The following ZC3H14 variants were observed in gnomAD, a reference collection of about 807,000 sequenced individuals.
ZC3H14 encodes the protein zinc finger CCCH domain-containing protein 14.
A neutral mutation model predicts 92.4 loss-of-function variants in ZC3H14; 31 were observed. That is an observed-to-expected ratio of 0.34 (90% CI 0.25 to 0.45). The LOEUF is 0.45. Ranked by LOEUF, ZC3H14 falls within the 20% of genes least tolerant of loss-of-function variation. The pLI is 1.00. For missense variants in ZC3H14, 781 were observed against 897.3 expected (o/e 0.87, Z 1.66); for synonymous variants, 321 against 300.9 (o/e 1.07, Z -0.69).
Position 88,622,787 on chromosome 14 carries a change from C to T in ZC3H14, c.*11036C>T. On this transcript the variant is annotated 3_prime_UTR_variant, in exon 17 of 17. Coordinates refer to ENST00000251038, the MANE Select transcript of ZC3H14 (RefSeq NM_024824.5). ...CTATAATTTTTATTATAAACAAATACCAAGTTATAAGCAGAATCTTTTTTT... is the reference window on the plus strand; with the variant it reads ...CTATAATTTTTATTATAAACAAATATCAAGTTATAAGCAGAATCTTTTTTT... The T allele has an allele frequency of 1.8e-6, 2 of 1,096,184 alleles. No homozygotes were observed. The highest frequency in any genetic ancestry group is 1.3e-6 in the Non-Finnish European group (1 of 794,628). The allele number at this position is 1,096,184 out of a possible 1,614,324, so 67.9% of individuals were successfully genotyped here. A position where few individuals can be genotyped will look rare whatever the true frequency, so the allele number is the denominator to read the frequency against.
At chr14:88,573,240 C>T (rs2080696251) in intron 6 of ZC3H14, among the ~76,000 whole-genome samples, 1 of 151,720 alleles carries the variant, frequency 6.6e-6, no homozygotes, top group East Asian at 2.0e-4. Context: ...ATTAGCCAGG[C>T]ATGGTGGCAG....
Position 88,616,233 on chromosome 14 carries a change from T to G in ZC3H14, c.*4482T>G. On this transcript the variant is annotated 3_prime_UTR_variant, in exon 17 of 17. Coordinates refer to ENST00000251038, the MANE Select transcript of ZC3H14 (RefSeq NM_024824.5). ...TGGGGCGAATGACCCAAGAACCTTT[T>G]GTGTTTTGCCTAAAAAACAATGACA... 6.2e-7 allele frequency: 1 copy of G among 1,613,872 alleles called. No homozygotes were observed. The highest frequency in any genetic ancestry group is 8.5e-7 in the Non-Finnish European group (1 of 1,179,752).
At position 88,627,392 on chromosome 14, in the gene ZC3H14, G is replaced by A. The variant is rs2140420550; in HGVS notation, c.*15641G>A. The A allele has an allele frequency of 2.1e-6, 1 of 482,096 alleles. No homozygotes were observed. The highest frequency in any genetic ancestry group is 3.5e-5 in the East Asian group (1 of 28,234). The allele number at this position is 482,096 out of a possible 1,614,324, so 29.9% of individuals were successfully genotyped here. A position where few individuals can be genotyped will look rare whatever the true frequency, so the allele number is the denominator to read the frequency against. On this transcript the variant is annotated 3_prime_UTR_variant, in exon 17 of 17. Transcript: ENST00000251038. ...ATTAATAATAAATACATAGTTTCTT[G>A]CTGGAAGAAAATAGCAGTGAATCAT...
chr14:88,601,283 C>T lies in ZC3H14; in HGVS notation c.1355-641C>T, dbSNP rs187709122. ...TGTATTAACTTCAGTCCGTTGATGG[C>T]GTATTGATAGGTCAGCCATTCTGGG... is the stretch of plus-strand genomic sequence containing the variant. On this transcript the variant is annotated intron_variant, in intron 10 of 16. Coordinates refer to ENST00000251038, the MANE Select transcript of ZC3H14 (RefSeq NM_024824.5). 4.5e-4 allele frequency among the ~76,000 whole-genome samples: 69 copies of T among 152,152 alleles called. 1 individual carries two copies. Among genetic ancestry groups the T allele is most frequent in the African/African-American group, 1.5e-3 (64 of 41,502 alleles).
intron 8 of ZC3H14, among the ~76,000 whole-genome samples, chr14:88,576,552 G>A (rs190252006): frequency 1.1e-4 from 16 of 152,328 alleles, no homozygotes; most frequent in Admixed American, 5.9e-4. Context: ...ATTCTGAAAT[G>A]CAAACAACTG....
intron 12 of ZC3H14, among the ~76,000 whole-genome samples, chr14:88,603,359 T>A (rs1182124846): frequency 6.6e-6 from 1 of 152,216 alleles, no homozygotes; most frequent in Non-Finnish European, 1.5e-5. Context: ...TCTTTACCTT[T>A]GTATTTTCTT....
At chr14:88,565,200 GGCGTGATC>G (rs1333287113) in intron 2 of ZC3H14, among the ~76,000 whole-genome samples, 24 of 152,130 alleles carry the variant, frequency 1.6e-4, no homozygotes, top group Non-Finnish European at 4.4e-5. Flanking sequence ...GGAGTGCAGT[GGCGTGATC>G]TTGGCTCACT....
intron 1 of ZC3H14, 185 bp downstream of exon 1, chr14:88,563,354 T>C: frequency 2.1e-6 from 3 of 1,456,036 alleles, no homozygotes; most frequent in Non-Finnish European, 2.7e-6. Flanking sequence ...CCTCGGAGCG[T>C]GGCTGCGGCT....
chr14:88,615,502 T>C lies in ZC3H14; in HGVS notation c.*3751T>C. The C allele has an allele frequency of 7.0e-6, 2 of 285,968 alleles. No homozygotes were observed. The highest frequency in any genetic ancestry group is 6.5e-6 in the Non-Finnish European group (1 of 154,750). 17.7% of individuals were successfully genotyped at this position (285,968 alleles called of 1,614,324 possible). On this transcript the variant is annotated 3_prime_UTR_variant, in exon 17 of 17. Transcript: ENST00000251038. ...GGTTTTTGAGTTCTTCTGTAAAGAG[T>C]GCTCTACCCTAAATTTTCCCAGCAG...
rs1252333371 is a variant in ZC3H14, at chr14:88,571,486, T to C, written c.235+362T>C. On this transcript the variant is annotated intron_variant, in intron 4 of 16. Coordinates refer to ENST00000251038, the MANE Select transcript of ZC3H14 (RefSeq NM_024824.5). The stretch of plus-strand genomic sequence containing the variant: ...AATAATATTTAACTATTAAAAATAA[T>C]GTTGTGGAAGAATAACAGAATATAC... Among the ~76,000 whole-genome samples the C allele has an allele frequency of 2.0e-5, 3 of 152,204 alleles. 1 individual carries two copies. Among genetic ancestry groups the C allele is most frequent in the East Asian group, 3.8e-4 (2 of 5,202 alleles).
intron 9 of ZC3H14, among the ~76,000 whole-genome samples, chr14:88,585,972 C>T (rs1383639095): frequency 6.6e-6 from 1 of 152,068 alleles, no homozygotes; most frequent in Non-Finnish European, 1.5e-5. Flanking sequence ...AGTTCGAGAC[C>T]AGCCTGACCA....
At position 88,609,761 on chromosome 14, in the gene ZC3H14, C is replaced by T; in HGVS notation, c.2055C>T (p.Phe685=). The T allele has an allele frequency of 6.2e-7, 1 of 1,614,176 alleles. No homozygotes were observed. The highest frequency in any genetic ancestry group is 8.5e-7 in the Non-Finnish European group (1 of 1,180,020). The change falls in exon 15 of 17, where the codon TTC becomes TTT. Residue 685 remains phenylalanine (F), a synonymous_variant. Transcript: ENST00000251038. The stretch of plus-strand genomic sequence containing the variant: ...CCAGTAGTCAGCTCTGCCGTTACTT[C>T]CCTGCTTGTAAGAAGATGGAATGTC... ...PPSSSQLCRY[F]PACKKMECPF...
chr14:88,572,123 A>G lies in ZC3H14; in HGVS notation c.329A>G (p.His110Arg), dbSNP rs771354655. The change falls in exon 5 of 17, where the codon CAT becomes CGT. Residue 110 changes from histidine to arginine, a missense_variant. This residue lies in a region of ZC3H14 where 106 missense variants were observed against 154.2 expected (regional missense o/e 0.69). Transcript: ENST00000251038. ...TTCAGTCGGGGAGATGAGAGGAGGC[A>G]TGAAGCTGCAGTGCCACCACTTGCC... ...SNFSRGDERR[H>R]EAAVPPLAIP... 3 of 1,614,084 alleles carry G rather than the reference A, an allele frequency of 1.9e-6. No individual in the cohort carries two copies. The highest frequency in any genetic ancestry group is 8.5e-7 in the Non-Finnish European group (1 of 1,180,042).
chr14:88,574,672 A>G (rs376300091), intron 6 of ZC3H14, 21 bp from the exon 7 acceptor site: 1 of 1,613,988 alleles, frequency 6.2e-7, no homozygotes, highest in Non-Finnish European at 8.5e-7. Flanking sequence ...TTAGGTAAGC[A>G]TAAATTTTAT....
In ZC3H14 at chr14:88,626,945, C is replaced by T; in HGVS notation, c.*15194C>T. 1.2e-6 allele frequency: 2 copies of T among 1,613,966 alleles called. No homozygotes were observed. Among genetic ancestry groups the T allele is most frequent in the African/African-American group, 2.7e-5 (2 of 75,044 alleles). On this transcript the variant is annotated 3_prime_UTR_variant, in exon 17 of 17. Coordinates refer to ENST00000251038, the MANE Select transcript of ZC3H14 (RefSeq NM_024824.5). ...CTTCCTGCCAGGGTCCAGAACTTCA[C>T]ATGTTTTACTCCCACTGAGACAAAC...
chr14:88,599,478 C>T (rs531059238), intron 10 of ZC3H14, among the ~76,000 whole-genome samples: 8 of 152,242 alleles, frequency 5.3e-5, no homozygotes, highest in East Asian at 1.9e-4. Flanking sequence ...CTTACTCCCC[C>T]GTCTGTCTGG....
rs2079085704 is a variant in ZC3H14 at position 88,563,176 on chromosome 14, C to G, written c.36+7C>G. On this transcript the variant is annotated splice_region_variant and intron_variant, in intron 1 of 16. Coordinates refer to ENST00000251038, the MANE Select transcript of ZC3H14 (RefSeq NM_024824.5). ...GATCAGCCGCAAGATCCGGGTGAGGCCCGTGCCGGTCGGGGGTGGGAAGCC... is the reference window on the plus strand; with the variant it reads ...GATCAGCCGCAAGATCCGGGTGAGGGCCGTGCCGGTCGGGGGTGGGAAGCC... The G allele has an allele frequency of 1.9e-6, 3 of 1,603,612 alleles. No individual in the cohort carries two copies. The highest frequency in any genetic ancestry group is 2.5e-6 in the Non-Finnish European group (3 of 1,176,812).
rs200473832 is a variant in ZC3H14 at position 88,622,943 on chromosome 14, C to A, written c.*11192C>A. On this transcript the variant is annotated 3_prime_UTR_variant, in exon 17 of 17. Coordinates refer to ENST00000251038, the MANE Select transcript of ZC3H14 (RefSeq NM_024824.5). Reference sequence around the variant, plus strand: ...AGTGAATTTTATTTTGAGAAATACTCTTTTTTTCTGACATGAGCATAATTT... The same window carrying A: ...AGTGAATTTTATTTTGAGAAATACTATTTTTTTCTGACATGAGCATAATTT... 2 of 388,936 alleles carry A rather than the reference C, an allele frequency of 5.1e-6. No homozygotes were observed. The highest frequency in any genetic ancestry group is 2.1e-5 in the African/African-American group (1 of 47,868). 24.1% of individuals were successfully genotyped at this position (388,936 alleles called of 1,614,324 possible).
chr14:88,598,181 A>G (rs1350353259), intron 10 of ZC3H14, among the ~76,000 whole-genome samples: 1 of 152,078 alleles, frequency 6.6e-6, no homozygotes, highest in African/African-American at 2.4e-5. Flanking sequence ...TGGAGCACTC[A>G]GAAGGTCACT....
Sources: gnomAD v4.1 joint callset for allele counts (sites outside exome capture counted in the v4.1 genomes callset) on GRCh38, gnomAD v4.1.1 for gene constraint, gnomAD v4.1.1 regional missense constraint, MANE v1.5 for transcripts, NCBI Gene and HGNC (gene_info 2026-07-23, HGNC 2026-07-21) for gene names.